Variants in ANKS1B observed in about 807,000 individuals in gnomAD.
ANKS1B encodes the protein ankyrin repeat and sterile alpha motif domain containing 1B, also known as ankyrin repeat and sterile alpha motif domain-containing protein 1B.
In ANKS1B, 36 loss-of-function variants were observed where a neutral mutation model predicts 148.3. The observed-to-expected ratio is 0.24, with a 90% CI of 0.19 to 0.32. The LOEUF (loss-of-function observed/expected upper bound fraction) is 0.32, where lower values mean the gene tolerates loss of function less well. Among genes scored for constraint, ANKS1B ranks in the 10% least tolerant of loss-of-function variants. ANKS1B has a pLI of 1.00. For synonymous variants in ANKS1B, 542 were observed against 560.8 expected, an observed-to-expected ratio of 0.97 and a Z score of 0.47; for missense variants, 1,157 against 1,542.6, an observed-to-expected ratio of 0.75 and a Z score of 4.19.
At position 99,360,978 on chromosome 12, in the gene ANKS1B, C is replaced by T. The variant is rs1380147023; in HGVS notation, c.1756+38653G>A. On this transcript the variant is annotated intron_variant, in intron 12 of 26. Coordinates refer to ENST00000683438, the MANE Select transcript of ANKS1B (RefSeq NM_001352186.2). The stretch of plus-strand genomic sequence containing the variant: ...GCTGGGAAGGGTAGCTGGGGGACTG[C>T]GGGGAGGTGGGGATGGTTAATGGGT... Among the ~76,000 whole-genome samples the T allele has an allele frequency of 5.3e-5, 8 of 151,286 alleles. No individual in the cohort carries two copies. The East Asian group carries it at 5.8e-4, about 11-fold the overall frequency.
At chr12:99,488,419 T>C (rs1467625062) in intron 10 of ANKS1B, among the ~76,000 whole-genome samples, 1 of 152,182 alleles carries the variant, frequency 6.6e-6, no homozygotes, top group Non-Finnish European at 1.5e-5. Context: ...TCTTTTAGTC[T>C]TCATTATTGG....
At chr12:99,007,935 G>A (rs2099937084) in intron 17 of ANKS1B, among the ~76,000 whole-genome samples, 1 of 151,768 alleles carries the variant, frequency 6.6e-6, no homozygotes, top group African/African-American at 2.4e-5. Context: ...GCGTGACTCT[G>A]GCTCAAACAT....
intron 12 of ANKS1B, among the ~76,000 whole-genome samples, chr12:99,387,515 C>T (rs2093913709): frequency 1.3e-5 from 2 of 151,968 alleles, no homozygotes; most frequent in South Asian, 2.1e-4. Context: ...ACTCGGGAGG[C>T]TGAGGCAGGG....
chr12:99,238,414 T>A (rs2088488240), intron 14 of ANKS1B, among the ~76,000 whole-genome samples: 1 of 152,148 alleles, frequency 6.6e-6, no homozygotes, highest in African/African-American at 2.4e-5. Context: ...AAGCTCCAAA[T>A]GGGTGGAGCC....
At chr12:99,087,364 T>C (rs2052272270) in intron 15 of ANKS1B, among the ~76,000 whole-genome samples, 1 of 152,130 alleles carries the variant, frequency 6.6e-6, no homozygotes, top group Non-Finnish European at 1.5e-5. Flanking sequence ...CTACTCATAG[T>C]GTCATTCTTA....
rs755022528 is a variant in ANKS1B, at chr12:99,528,426, C to CAAAAAAAAAAAA, written c.1273-23786_1273-23785insTTTTTTTTTTTT. Among the ~76,000 whole-genome samples the CAAAAAAAAAAAA allele has an allele frequency of 2.6e-5, 3 of 117,036 alleles. No homozygotes were observed. In the East Asian group the frequency reaches 8.6e-4, roughly 33 times the overall value. The allele number at this position is 117,036 out of a possible 152,430, so 76.8% of individuals were successfully genotyped here. A position where few individuals can be genotyped will look rare whatever the true frequency, so the allele number is the denominator to read the frequency against. ...GCACAGCCAAAAAACAGAACAAAAA[C>CAAAAAAAAAAAA]AAAAACAAAAAAAAAAACAAAAAAA... is the stretch of plus-strand genomic sequence containing the variant. On this transcript the variant is annotated intron_variant, in intron 9 of 26. Transcript: ENST00000683438.
intron 1 of ANKS1B, among the ~76,000 whole-genome samples, chr12:99,890,340 G>A (rs1188280903): frequency 2.6e-5 from 4 of 152,070 alleles, no homozygotes; most frequent in African/African-American, 9.7e-5. Flanking sequence ...AAGAGCAAAG[G>A]CTAAGGTTTC....
chr12:99,862,100 G>C (rs2153719054), intron 1 of ANKS1B, among the ~76,000 whole-genome samples: 1 of 152,272 alleles, frequency 6.6e-6, no homozygotes, highest in African/African-American at 2.4e-5. Flanking sequence ...TGAATTTTTA[G>C]AGGGGTGTTG....
chr12:99,690,718 C>T (rs1264793666), intron 8 of ANKS1B, among the ~76,000 whole-genome samples: 3 of 152,356 alleles, frequency 2.0e-5, no homozygotes, highest in Non-Finnish European at 4.4e-5. Context: ...AGCCCCCATA[C>T]TGGCTGCTTC....
chr12:99,380,948 T>A (rs2093620905), intron 12 of ANKS1B, among the ~76,000 whole-genome samples: 1 of 152,030 alleles, frequency 6.6e-6, no homozygotes. Flanking sequence ...TTAACAAAGG[T>A]GGGCCCCGAA....
At chr12:99,453,577 T>C (rs2095795657) in intron 10 of ANKS1B, among the ~76,000 whole-genome samples, 1 of 152,236 alleles carries the variant, frequency 6.6e-6, no homozygotes, top group South Asian at 2.1e-4. Context: ...TTGAAAAGAC[T>C]GCAGTTCTAG....
chr12:98,970,689 G>A (rs1252768649), intron 17 of ANKS1B, among the ~76,000 whole-genome samples: 10 of 152,150 alleles, frequency 6.6e-5, no homozygotes, highest in Admixed American at 6.6e-4. Flanking sequence ...ATGGTGCCTG[G>A]CACAGAGGAG....
At chr12:99,939,196 ATTC>A (rs1473656859) in intron 1 of ANKS1B, among the ~76,000 whole-genome samples, 1 of 152,078 alleles carries the variant, frequency 6.6e-6, no homozygotes, top group Admixed American at 6.6e-5. Flanking sequence ...GGCTCAAGGA[ATTC>A]TTCTGCCTCA....
intron 10 of ANKS1B, among the ~76,000 whole-genome samples, chr12:99,461,457 G>A (rs1287525251): frequency 6.6e-6 from 1 of 151,968 alleles, no homozygotes; most frequent in Admixed American, 6.6e-5. Flanking sequence ...AAATGAACTT[G>A]CTAAATCCCT....
intron 14 of ANKS1B, among the ~76,000 whole-genome samples, chr12:99,218,406 TA>T (rs2084577535): frequency 6.6e-6 from 1 of 152,194 alleles, no homozygotes; most frequent in Admixed American, 6.5e-5. Flanking sequence ...GATTCTTTGC[TA>T]AGTGGCTGCC....
intron 12 of ANKS1B, among the ~76,000 whole-genome samples, chr12:99,301,559 TCATTCAAAATA>T (rs1467896013): frequency 6.6e-6 from 1 of 152,160 alleles, no homozygotes; most frequent in Non-Finnish European, 1.5e-5. Context: ...ACTCATTCAT[TCATTCAAAATA>T]CATTTATGTA....
intron 9 of ANKS1B, among the ~76,000 whole-genome samples, chr12:99,571,518 T>C (rs186925576): frequency 6.6e-6 from 1 of 152,260 alleles, no homozygotes. Flanking sequence ...ACTTCAAGTC[T>C]GCTATGATGA....
chr12:98,895,219 G>GGC, intron 17 of ANKS1B: 1 of 985,580 alleles, frequency 1.0e-6, no homozygotes, highest in Non-Finnish European at 1.2e-6. Context: ...GGGGGTTGCC[G>GGC]GCGCGCGGGG....
intron 8 of ANKS1B, among the ~76,000 whole-genome samples, chr12:99,675,502 T>G (rs1221745100): frequency 2.0e-5 from 3 of 151,920 alleles, no homozygotes; most frequent in Non-Finnish European, 4.4e-5. Context: ...GTTTTAAATG[T>G]TTTTTAATAA....
Sources: gnomAD v4.1 joint callset for allele counts (sites outside exome capture counted in the v4.1 genomes callset) on GRCh38, gnomAD v4.1.1 for gene constraint, MANE v1.5 for transcripts, NCBI Gene and HGNC (gene_info 2026-07-23, HGNC 2026-07-21) for gene names.